PARD3: variants seen among roughly 807,000 people sequenced by gnomAD.
PARD3 encodes the protein partitioning defective 3 homolog.
Under a neutral mutation model 155.4 loss-of-function variants are expected in PARD3, and 75 were observed. The observed-to-expected ratio is 0.48, with a 90% CI of 0.40 to 0.58. The LOEUF (loss-of-function observed/expected upper bound fraction) is 0.58, where lower values mean the gene tolerates loss of function less well. PARD3 is among the 20% of genes least tolerant of loss of function. PARD3 has a pLI of 0.00. For synonymous variants in PARD3, 576 were observed against 610.5 expected (o/e 0.94, Z 0.83); for missense variants, 1,642 against 1,721.7 (o/e 0.95, Z 0.82).
At chr10:34,565,344 T>C (rs1309028272) in intron 2 of PARD3, among the ~76,000 whole-genome samples, 1 of 131,836 alleles carries the variant, frequency 7.6e-6, no homozygotes, top group Non-Finnish European at 1.5e-5. Context: ...CTCAGCTCAC[T>C]GCAGCCTCTG....
At position 34,374,886 on chromosome 10, in the gene PARD3, G is replaced by A; in HGVS notation, c.1656C>T (p.His552=). ...TAAATTTACACACCAGTTCCCTTGG[G>A]TGGAAGGCGTCTTCCTGGCGAAAGA... The part of the protein sequence containing the change: ...LLVFRQEDAF[H]PRELNAEPSQ... Residue 552 remains histidine (H), a synonymous_variant, in exon 11 of 25, where the codon CAC becomes CAT. Coordinates refer to ENST00000374788, the MANE Select transcript of PARD3 (RefSeq NM_001184785.2). 6.2e-7 allele frequency: 1 copy of A among 1,613,932 alleles called. No homozygotes were observed. The highest frequency in any genetic ancestry group is 1.1e-5 in the South Asian group (1 of 91,070).
intron 22 of PARD3, among the ~76,000 whole-genome samples, chr10:34,233,948 C>G (rs1405044052): frequency 6.6e-6 from 1 of 152,040 alleles, no homozygotes; most frequent in African/African-American, 2.4e-5. Context: ...CTCCAGTTAC[C>G]CTGTGTTGCC....
chr10:34,554,836 C>T (rs1395850263), intron 2 of PARD3, among the ~76,000 whole-genome samples: 1 of 152,072 alleles, frequency 6.6e-6, no homozygotes, highest in Non-Finnish European at 1.5e-5. Flanking sequence ...GACAAACAGC[C>T]AAAGGCATTC....
chr10:34,755,648 A>G (rs1289677171), intron 1 of PARD3, among the ~76,000 whole-genome samples: 1 of 152,086 alleles, frequency 6.6e-6, no homozygotes, highest in Admixed American at 6.6e-5. Context: ...TTTCTCATCA[A>G]ATGATTTCCA....
chr10:34,119,464 C>A, intron 24 of PARD3, 149 bp downstream of exon 24: 1 of 740,534 alleles, frequency 1.4e-6, no homozygotes, highest in Non-Finnish European at 2.0e-6. Flanking sequence ...CGCTAAGGAA[C>A]AGTAGCCACG....
At chr10:34,558,572 T>C (rs1160228395) in intron 2 of PARD3, among the ~76,000 whole-genome samples, 1 of 152,162 alleles carries the variant, frequency 6.6e-6, no homozygotes, top group Non-Finnish European at 1.5e-5. Context: ...TCAGCTTCCA[T>C]TGCCAAATAT....
At chr10:34,488,179 T>A (rs546065621) in intron 3 of PARD3, among the ~76,000 whole-genome samples, 259 of 152,320 alleles carry the variant, frequency 1.7e-3, no homozygotes, top group Non-Finnish European at 3.4e-3. Context: ...ATGTTGACCA[T>A]CAACAATTAC....
chr10:34,584,043 C>T (rs1034557932), intron 2 of PARD3, among the ~76,000 whole-genome samples: 22 of 152,102 alleles, frequency 1.4e-4, no homozygotes, highest in African/African-American at 5.1e-4. Context: ...TTAGATTATA[C>T]GTGATACACA....
chr10:34,679,524 A>C (rs12265853), intron 2 of PARD3, among the ~76,000 whole-genome samples: 3,111 of 152,282 alleles, frequency 0.02, 105 homozygotes, highest in African/African-American at 0.071. Context: ...GCTCTTTGAA[A>C]ACTCTCTTCT....
At chr10:34,718,292 A>G (rs2094552229) in intron 1 of PARD3, among the ~76,000 whole-genome samples, 1 of 152,186 alleles carries the variant, frequency 6.6e-6, no homozygotes, top group Non-Finnish European at 1.5e-5. Context: ...CTAAAGACAA[A>G]GAACGCTTCA....
chr10:34,569,766 A>G (rs537580656), intron 2 of PARD3, among the ~76,000 whole-genome samples: 3 of 152,264 alleles, frequency 2.0e-5, no homozygotes, highest in East Asian at 1.9e-4. Flanking sequence ...CAGCATGACT[A>G]AAGGATATCA....
rs2094172029 is a variant in PARD3, at chr10:34,696,323, C to T, written c.217G>A (p.Asp73Asn). 1 of 1,600,404 alleles carries T rather than the reference C, an allele frequency of 6.2e-7. No individual in the cohort carries two copies. Among genetic ancestry groups the T allele is most frequent in the South Asian group, 1.1e-5 (1 of 90,780 alleles). The change falls in exon 2 of 25, where the codon GAC becomes AAC. Residue 73 changes from aspartate to asparagine, a missense_variant. Around this residue, in one of 3 missense-constraint regions of PARD3, gnomAD observed 38 missense variants for 69.1 expected, o/e 0.55. Transcript: ENST00000374788. ...DILCDVADDK[D>N]RLVAVFDEQD... ...TCCCCAGGACCTGAACTCACTCTGT[C>T]TTTATCGTCTGCTACATCACAAAGA...
At chr10:34,407,854 A>C (rs990125473) in intron 5 of PARD3, among the ~76,000 whole-genome samples, 1 of 152,004 alleles carries the variant, frequency 6.6e-6, no homozygotes. Flanking sequence ...AGAAAAAAAA[A>C]ATCCAAAAAC....
intron 15 of PARD3, chr10:34,346,068 A>G: frequency 1.0e-6 from 1 of 986,962 alleles, no homozygotes; most frequent in Non-Finnish European, 1.2e-6. Context: ...CCCAGCCCAA[A>G]GTGGTAAAAG....
At chr10:34,597,017 C>T (rs1045822991) in intron 2 of PARD3, among the ~76,000 whole-genome samples, 2 of 152,072 alleles carry the variant, frequency 1.3e-5, no homozygotes, top group Non-Finnish European at 2.9e-5. Context: ...CAAAGAAACA[C>T]TGAAAACTAC....
At chr10:34,448,841 C>T (rs976316025) in intron 5 of PARD3, among the ~76,000 whole-genome samples, 1 of 151,452 alleles carries the variant, frequency 6.6e-6, no homozygotes, top group Non-Finnish European at 1.5e-5. Flanking sequence ...AAAAAATTTG[C>T]CAACAGAATA....
intron 2 of PARD3, among the ~76,000 whole-genome samples, chr10:34,517,700 CCA>C (rs948501670): frequency 1.3e-5 from 2 of 151,918 alleles, no homozygotes; most frequent in East Asian, 1.9e-4. Flanking sequence ...TACACGCCCC[CCA>C]CACACACACA....
chr10:34,428,107 A>C (rs1403234168), intron 5 of PARD3, among the ~76,000 whole-genome samples: 2 of 152,132 alleles, frequency 1.3e-5, no homozygotes, highest in Admixed American at 6.6e-5. Flanking sequence ...AAAATAGGAC[A>C]ACTAACTGAG....
At chr10:34,277,864 G>T (rs945150736) in intron 21 of PARD3, among the ~76,000 whole-genome samples, 5 of 152,090 alleles carry the variant, frequency 3.3e-5, no homozygotes, top group Admixed American at 6.6e-5. Context: ...TTGTGCTTAG[G>T]GGGAGAGAGA....
Sources: allele counts gnomAD v4.1 joint callset (sites outside exome capture counted in the v4.1 genomes callset), GRCh38; gene constraint gnomAD v4.1.1; regional missense constraint gnomAD v4.1.1; transcripts MANE v1.5; gene names NCBI Gene and HGNC (gene_info 2026-07-23, HGNC 2026-07-21).